The following METTL9 variants were observed in gnomAD, a reference collection of about 807,000 sequenced individuals.
METTL9 encodes methyltransferase 9, His-X-His N1(pi)-histidine, also known as protein-L-histidine N-pros-methyltransferase.
METTL9 carries 10 observed loss-of-function variants against 36.0 expected under a neutral mutation model. The observed-to-expected ratio is 0.28, with a 90% CI of 0.17 to 0.47. The LOEUF (loss-of-function observed/expected upper bound fraction) is 0.47, where lower values mean the gene tolerates loss of function less well. METTL9 is among the 20% of genes least tolerant of loss of function. The pLI is 0.99. For synonymous variants in METTL9, 175 were observed against 149.7 expected (o/e 1.17, Z -1.23); for missense variants, 246 against 383.5 (o/e 0.64, Z 3.00).
At chr16:21,637,373 CAG>C (rs1427069963) in intron 4 of METTL9, among the ~76,000 whole-genome samples, 1 of 152,228 alleles carries the variant, frequency 6.6e-6, no homozygotes, top group African/African-American at 2.4e-5. Flanking sequence ...TAGCTAGACA[CAG>C]AGCGCTGATT....
intron 4 of METTL9, chr16:21,652,751 T>TA: frequency 1.8e-6 from 1 of 568,552 alleles, no homozygotes; most frequent in East Asian, 2.8e-5. Context: ...CTTCACCATT[T>TA]AACATTGAGA....
chr16:21,597,482 A>C (rs866217366), upstream of METTL9, among the ~76,000 whole-genome samples: 3 of 152,330 alleles, frequency 2.0e-5, no homozygotes, highest in Middle Eastern at 3.4e-3. Flanking sequence ...TATAAAACAA[A>C]ATCTGCTCCT....
rs781283921 is a variant in METTL9, at chr16:21,599,907, T to TGGGGCC, written c.165+21_165+26dup. ...GGAAGGAGAACCACCAGGTACGGGC[T>TGGGGCC]GGGGCCGGGGCCGGGGCGGGGGCGT... On this transcript the variant is annotated intron_variant, in intron 1 of 4. Transcript: ENST00000358154. The surrounding 1 kb of genome is among the most constrained non-coding windows in gnomAD (Gnocchi z 4.4). The TGGGGCC allele has an allele frequency of 1.1e-4, 148 of 1,405,350 alleles. No homozygotes were observed. Among genetic ancestry groups the TGGGGCC allele is most frequent in the Middle Eastern group, 2.5e-4 (1 of 3,966 alleles). The allele number at this position is 1,405,350 out of a possible 1,614,324, so 87.1% of individuals were successfully genotyped here. A position where few individuals can be genotyped will look rare whatever the true frequency, so the allele number is the denominator to read the frequency against.
At chr16:21,641,551 T>C (rs140374155) in intron 4 of METTL9, 3 of 1,588,838 alleles carry the variant, frequency 1.9e-6, no homozygotes, top group Non-Finnish European at 1.7e-6. Context: ...CTTTCATAGT[T>C]GGAAAGTACT....
At chr16:21,601,522 A>C (rs539311407) in intron 1 of METTL9, among the ~76,000 whole-genome samples, 1 of 152,272 alleles carries the variant, frequency 6.6e-6, no homozygotes, top group Admixed American at 6.5e-5. Context: ...AGTGCTCATA[A>C]AAGAATTGCA....
chr16:21,652,910 C>A (rs963937601), intron 4 of METTL9: 1 of 288,858 alleles, frequency 3.5e-6, no homozygotes, highest in Non-Finnish European at 6.4e-6. Flanking sequence ...ACAAATAATT[C>A]GTACTTGGAT....
chr16:21,650,670 G>A (rs1375392887), intron 4 of METTL9, among the ~76,000 whole-genome samples: 2 of 152,148 alleles, frequency 1.3e-5, no homozygotes, highest in East Asian at 3.9e-4. Context: ...GCTATGTGTG[G>A]GAGAAAACCA....
At chr16:21,613,400 T>C (rs1241285910) in intron 2 of METTL9, among the ~76,000 whole-genome samples, 1 of 151,938 alleles carries the variant, frequency 6.6e-6, no homozygotes, top group Non-Finnish European at 1.5e-5. Flanking sequence ...CAGGCTGGTC[T>C]CTAACTGACC....
At chr16:21,618,604 G>T (rs1965613858) in intron 3 of METTL9, among the ~76,000 whole-genome samples, 1 of 152,080 alleles carries the variant, frequency 6.6e-6, no homozygotes, top group Non-Finnish European at 1.5e-5. Flanking sequence ...TGGGTATTTC[G>T]TATAAGAGGA....
intron 4 of METTL9, among the ~76,000 whole-genome samples, chr16:21,630,986 G>C (rs1283879625): frequency 6.6e-6 from 1 of 152,164 alleles, no homozygotes; most frequent in Non-Finnish European, 1.5e-5. Flanking sequence ...CTCCTAAGAA[G>C]GTGCAGAGTC....
intron 4 of METTL9, among the ~76,000 whole-genome samples, chr16:21,629,350 C>T (rs1388187058): frequency 1.3e-5 from 2 of 152,118 alleles, no homozygotes; most frequent in African/African-American, 4.8e-5. Flanking sequence ...TTTAAGAGTT[C>T]CGAGAGACCT....
At chr16:21,646,640 C>G (rs909405660) in intron 4 of METTL9, 1 of 211,764 alleles carries the variant, frequency 4.7e-6, no homozygotes, top group Non-Finnish European at 9.7e-6. Context: ...AGTGGATGTT[C>G]GAGATGGATT....
chr16:21,639,019 G>A (rs1966179362), intron 4 of METTL9, among the ~76,000 whole-genome samples: 1 of 152,170 alleles, frequency 6.6e-6, no homozygotes, highest in Non-Finnish European at 1.5e-5. Flanking sequence ...TGAAATCTCT[G>A]AAACTGCTAA....
At chr16:21,613,274 C>G (rs1177865167) in intron 2 of METTL9, among the ~76,000 whole-genome samples, 1 of 147,518 alleles carries the variant, frequency 6.8e-6, no homozygotes, top group Non-Finnish European at 1.5e-5. Flanking sequence ...GCCTCCGCCT[C>G]CCGGGTTTAA....
At chr16:21,632,892 C>G (rs1965999471) in intron 4 of METTL9, among the ~76,000 whole-genome samples, 1 of 152,130 alleles carries the variant, frequency 6.6e-6, no homozygotes, top group Non-Finnish European at 1.5e-5. Context: ...CCTGCTCTCT[C>G]TGTGATGTAT....
At chr16:21,625,873 C>T (rs1597759115) in intron 4 of METTL9, among the ~76,000 whole-genome samples, 1 of 152,004 alleles carries the variant, frequency 6.6e-6, no homozygotes, top group Admixed American at 6.6e-5. Context: ...ATGAATAATA[C>T]AAGTTACTAT....
At chr16:21,598,456 G>A (rs1356815883), upstream of METTL9, among the ~76,000 whole-genome samples, 1 of 151,632 alleles carries the variant, frequency 6.6e-6, no homozygotes, top group African/African-American at 2.4e-5. Context: ...GATGTGCAAC[G>A]CTGAATTAAC....
At chr16:21,619,587 AT>A (rs35728063) in intron 3 of METTL9, among the ~76,000 whole-genome samples, 157 of 124,216 alleles carry the variant, frequency 1.3e-3, no homozygotes, top group African/African-American at 1.4e-3. Flanking sequence ...TGCCCGGCTA[AT>A]TTTTTTTTTT....
At chr16:21,627,015 C>T (rs1965830767) in intron 4 of METTL9, 8 of 985,300 alleles carry the variant, frequency 8.1e-6, no homozygotes, top group Admixed American at 6.1e-5. Flanking sequence ...TGTGGATGTG[C>T]AGAGCTGCCT....
Sources: allele counts gnomAD v4.1 joint callset (sites outside exome capture counted in the v4.1 genomes callset), GRCh38; gene constraint gnomAD v4.1.1; non-coding constraint Gnocchi (gnomAD v3.1); transcripts MANE v1.5; gene names NCBI Gene and HGNC (gene_info 2026-07-23, HGNC 2026-07-21).